The following SGCZ variants were observed in gnomAD, a reference collection of about 807,000 sequenced individuals.
SGCZ encodes the protein sarcoglycan zeta, also known as zeta-sarcoglycan.
A neutral mutation model predicts 41.3 loss-of-function variants in SGCZ; 40 were observed. The observed-to-expected ratio is 0.97, with a 90% CI of 0.75 to 1.26. SGCZ has a LOEUF of 1.26. SGCZ is among the 50% of genes most tolerant of loss of function. The probability of loss-of-function intolerance (pLI) is 0.00; values close to 1 mark genes in which losing one functional copy is unlikely to be tolerated. For missense variants in SGCZ, 552 were observed against 369.8 expected (o/e 1.49, Z -4.04); for synonymous variants, 206 against 137.5 (o/e 1.50, Z -3.49).
chr8:15,040,632 A>G (rs1325258958), intron 1 of SGCZ, among the ~76,000 whole-genome samples: 1 of 152,174 alleles, frequency 6.6e-6, no homozygotes, highest in Non-Finnish European at 1.5e-5. Flanking sequence ...AAAACAAAAA[A>G]GTGATTTCAC....
intron 2 of SGCZ, among the ~76,000 whole-genome samples, chr8:14,336,846 T>A (rs955750642): frequency 3.9e-5 from 6 of 152,122 alleles, no homozygotes; most frequent in African/African-American, 1.4e-4. Context: ...AAAGAATTAC[T>A]ATCATCTCTA....
chr8:14,745,630 C>T (rs1351719235), intron 1 of SGCZ, among the ~76,000 whole-genome samples: 1 of 151,672 alleles, frequency 6.6e-6, no homozygotes, highest in African/African-American at 2.4e-5. Flanking sequence ...TATGTATGTA[C>T]ATATATACAC....
intron 1 of SGCZ, among the ~76,000 whole-genome samples, chr8:14,915,543 T>C (rs1487409987): frequency 6.6e-6 from 1 of 152,062 alleles, no homozygotes; most frequent in Non-Finnish European, 1.5e-5. Context: ...CCATCTTCCC[T>C]CCTCTTTGTC....
intron 1 of SGCZ, among the ~76,000 whole-genome samples, chr8:14,653,674 C>T (rs542546955): frequency 6.6e-6 from 1 of 152,200 alleles, no homozygotes; most frequent in South Asian, 2.1e-4. Context: ...GCTTCGCTTT[C>T]TCATTCCTGT....
At chr8:15,091,637 A>C (rs1485291499) in intron 1 of SGCZ, among the ~76,000 whole-genome samples, 1 of 152,216 alleles carries the variant, frequency 6.6e-6, no homozygotes, top group African/African-American at 2.4e-5. Flanking sequence ...TGGAACTAAA[A>C]AAATTTCCAA....
chr8:14,580,000 C>T (rs117285232), intron 1 of SGCZ, among the ~76,000 whole-genome samples: 1,619 of 152,272 alleles, frequency 0.011, 10 homozygotes, highest in African/African-American at 0.014. Context: ...CAGTTAACCA[C>T]GAGTGGCTCT....
At chr8:14,095,391 C>T (rs1202473754) in intron 7 of SGCZ, among the ~76,000 whole-genome samples, 2 of 152,108 alleles carry the variant, frequency 1.3e-5, no homozygotes, top group Non-Finnish European at 2.9e-5. Context: ...ATCCTTTTCC[C>T]ATTGCTTGTT....
chr8:15,037,546 C>T (rs1803916349), intron 1 of SGCZ, among the ~76,000 whole-genome samples: 1 of 152,144 alleles, frequency 6.6e-6, no homozygotes, highest in Admixed American at 6.6e-5. Flanking sequence ...TGAAAGTTTT[C>T]CTCTGAGATC....
chr8:14,857,139 T>C (rs1803567639), intron 1 of SGCZ, among the ~76,000 whole-genome samples: 2 of 152,164 alleles, frequency 1.3e-5, no homozygotes, highest in Non-Finnish European at 2.9e-5. Context: ...CTCCTCTCTC[T>C]TGTTCATGAT....
At chr8:14,354,240 A>G (rs1803210197) in intron 2 of SGCZ, among the ~76,000 whole-genome samples, 1 of 152,050 alleles carries the variant, frequency 6.6e-6, no homozygotes, top group Admixed American at 6.6e-5. Flanking sequence ...AAAACATTTA[A>G]TAAATATTCA....
chr8:15,144,215 T>C (rs1798972146), intron 1 of SGCZ, among the ~76,000 whole-genome samples: 1 of 152,324 alleles, frequency 6.6e-6, no homozygotes, highest in East Asian at 1.9e-4. Flanking sequence ...ACAAATGATA[T>C]CACAGTTCTT....
At chr8:14,155,502 C>T (rs778081449) in intron 5 of SGCZ, among the ~76,000 whole-genome samples, 10 of 151,924 alleles carry the variant, frequency 6.6e-5, no homozygotes, top group African/African-American at 1.9e-4. Flanking sequence ...CATTTTCTCC[C>T]GTTAGTCTCA....
At chr8:15,054,055 G>A (rs1490830046) in intron 1 of SGCZ, among the ~76,000 whole-genome samples, 1 of 152,184 alleles carries the variant, frequency 6.6e-6, no homozygotes, top group Non-Finnish European at 1.5e-5. Context: ...AAGGGATGTA[G>A]CAAAGCTTTA....
At chr8:15,091,111 T>C in intron 1 of SGCZ, among the ~76,000 whole-genome samples, 1 of 152,210 alleles carries the variant, frequency 6.6e-6, no homozygotes, top group East Asian at 1.9e-4. Flanking sequence ...ACTGGTAGAG[T>C]AATCTTAAAT....
intron 4 of SGCZ, among the ~76,000 whole-genome samples, chr8:14,211,545 A>T (rs1805807055): frequency 6.6e-6 from 1 of 152,142 alleles, no homozygotes; most frequent in Non-Finnish European, 1.5e-5. Context: ...TAACTGACTC[A>T]CAGTTCCCCA....
At chr8:15,036,225 C>T (rs969422309) in intron 1 of SGCZ, among the ~76,000 whole-genome samples, 2 of 151,814 alleles carry the variant, frequency 1.3e-5, no homozygotes, top group Non-Finnish European at 2.9e-5. Flanking sequence ...AATTGGATAA[C>T]CTAGAAGAAA....
chr8:14,771,056 T>A (rs1800220870), intron 1 of SGCZ, among the ~76,000 whole-genome samples: 3 of 152,038 alleles, frequency 2.0e-5, no homozygotes, highest in Admixed American at 1.3e-4. Flanking sequence ...AGAGAAAAGG[T>A]CAAGAAAACT....
At chr8:15,096,138 T>C (rs2124026) in intron 1 of SGCZ, among the ~76,000 whole-genome samples, 143,331 of 152,086 alleles carry the variant, frequency 0.94, 67,631 homozygotes, top group Admixed American at 0.96. Context: ...AGTGCAATGA[T>C]GCAATCTCGG....
At chr8:14,265,721 T>C (rs371450218) in intron 3 of SGCZ, among the ~76,000 whole-genome samples, 74 of 150,246 alleles carry the variant, frequency 4.9e-4, no homozygotes, top group East Asian at 1.6e-3. Context: ...CAAGAAAATG[T>C]AGAGAGACAA....
Sources: allele counts gnomAD v4.1 joint callset (sites outside exome capture counted in the v4.1 genomes callset), GRCh38; gene constraint gnomAD v4.1.1; transcripts MANE v1.5; gene names NCBI Gene and HGNC (gene_info 2026-07-23, HGNC 2026-07-21).